IL1RAPL2: variants seen among roughly 807,000 people sequenced by gnomAD.
The protein encoded by IL1RAPL2 is X-linked interleukin-1 receptor accessory protein-like 2.
IL1RAPL2 carries 3 observed loss-of-function variants against 44.1 expected under a neutral mutation model. The observed-to-expected ratio is 0.07, with a 90% CI of 0.03 to 0.18. The LOEUF (loss-of-function observed/expected upper bound fraction) is 0.18, where lower values mean the gene tolerates loss of function less well. IL1RAPL2 is among the 10% of genes least tolerant of loss of function. The pLI is 1.00. For synonymous variants in IL1RAPL2, 181 were observed against 178.8 expected (o/e 1.01, Z -0.10); for missense variants, 391 against 496.4 (o/e 0.79, Z 2.02).
chrX:105,272,890 G>A (rs1439768444), intron 5 of IL1RAPL2, among the ~76,000 whole-genome samples: 7 of 112,126 alleles, frequency 6.2e-5, no homozygotes, highest in Non-Finnish European at 1.3e-4. Flanking sequence ...CACAGAGGAA[G>A]CAATTTCACA....
At chrX:104,885,592 T>G (rs1368950721) in intron 2 of IL1RAPL2, among the ~76,000 whole-genome samples, 1 of 111,620 alleles carries the variant, frequency 9.0e-6, no homozygotes. Context: ...GAACAAAATC[T>G]GGAGGCATTA....
At chrX:104,781,662 G>T (rs1394904595) in intron 2 of IL1RAPL2, among the ~76,000 whole-genome samples, 1 of 111,552 alleles carries the variant, frequency 9.0e-6, no homozygotes, top group African/African-American at 3.3e-5. Flanking sequence ...AGGTTATGGA[G>T]GTCAAGTATT....
At chrX:104,859,191 T>C (rs1225292685) in intron 2 of IL1RAPL2, among the ~76,000 whole-genome samples, 1 of 111,666 alleles carries the variant, frequency 9.0e-6, no homozygotes, top group Non-Finnish European at 1.9e-5. Context: ...TCTACTCAAA[T>C]ATCCATGGGT....
intron 2 of IL1RAPL2, among the ~76,000 whole-genome samples, chrX:105,113,736 A>G (rs1251427665): frequency 1.8e-5 from 2 of 111,708 alleles, no homozygotes. Flanking sequence ...TGTAGATTAT[A>G]TATGAAATGA....
chrX:104,770,243 TTAA>T (rs1226675944), intron 2 of IL1RAPL2, among the ~76,000 whole-genome samples: 1 of 111,583 alleles, frequency 9.0e-6, no homozygotes, highest in East Asian at 2.8e-4. Flanking sequence ...TTTTAGAAAG[TTAA>T]TAATAGCACA....
intron 3 of IL1RAPL2, among the ~76,000 whole-genome samples, chrX:105,198,664 G>A (rs2033691659): frequency 9.0e-6 from 1 of 111,502 alleles, no homozygotes; most frequent in African/African-American, 3.3e-5. Flanking sequence ...ATCCATCTCT[G>A]GTAGCGCATT....
Position 105,514,451 on chromosome X carries a change from G to C in IL1RAPL2, c.772+30064G>C, listed in dbSNP as rs780322788. On this transcript the variant is annotated intron_variant, in intron 6 of 10. Transcript: ENST00000372582. Reference sequence around the variant, plus strand: ...GGGGGCAGGAGGAATGCCTGTTAGGGCATGGCTAAAAACAAGCAAACAAAC... The same window carrying C: ...GGGGGCAGGAGGAATGCCTGTTAGGCCATGGCTAAAAACAAGCAAACAAAC... 4.5e-5 allele frequency among the ~76,000 whole-genome samples: 5 copies of C among 112,137 alleles called. No individual in the cohort carries two copies. The South Asian group carries it at 1.8e-3, about 41-fold the overall frequency.
At chrX:105,556,623 T>C (rs908888960) in intron 6 of IL1RAPL2, among the ~76,000 whole-genome samples, 1 of 111,791 alleles carries the variant, frequency 8.9e-6, no homozygotes, top group Non-Finnish European at 1.9e-5. Context: ...GTAGTCTCTA[T>C]TGATAAACAC....
chrX:105,617,355 C>G (rs2037384740), intron 6 of IL1RAPL2, among the ~76,000 whole-genome samples: 1 of 110,765 alleles, frequency 9.0e-6, no homozygotes, highest in African/African-American at 3.3e-5. Context: ...GGCCAGTGAA[C>G]AGAGCCCTGA....
chrX:105,155,065 G>A (rs1332175724), intron 2 of IL1RAPL2, among the ~76,000 whole-genome samples: 2 of 110,698 alleles, frequency 1.8e-5, no homozygotes, highest in African/African-American at 6.6e-5. Context: ...TAATTCCTTT[G>A]TATTCCCAGG....
chrX:105,563,993 C>A (rs944054333), intron 6 of IL1RAPL2, among the ~76,000 whole-genome samples: 1 of 111,409 alleles, frequency 9.0e-6, no homozygotes, highest in Non-Finnish European at 1.9e-5. Context: ...ACAGAAATTT[C>A]TTTCTTATAG....
chrX:104,779,567 A>G (rs999588317), intron 2 of IL1RAPL2, among the ~76,000 whole-genome samples: 4 of 112,237 alleles, frequency 3.6e-5, no homozygotes, highest in African/African-American at 1.3e-4. Flanking sequence ...GTCTAGAATA[A>G]TGAAGCCTGA....
At chrX:105,276,592 C>G (rs945338085) in intron 5 of IL1RAPL2, among the ~76,000 whole-genome samples, 8 of 111,570 alleles carry the variant, frequency 7.2e-5, no homozygotes, top group African/African-American at 2.6e-4. Context: ...ATTACTAGGC[C>G]CTCTGATTTA....
At chrX:104,672,145 T>A (rs1322331423) in intron 2 of IL1RAPL2, among the ~76,000 whole-genome samples, 1 of 111,013 alleles carries the variant, frequency 9.0e-6, no homozygotes, top group Non-Finnish European at 1.9e-5. Flanking sequence ...ATGTGCACAT[T>A]GTGCAGGTTA....
At chrX:104,930,603 A>G (rs1436653028) in intron 2 of IL1RAPL2, among the ~76,000 whole-genome samples, 2 of 111,779 alleles carry the variant, frequency 1.8e-5, no homozygotes, top group Non-Finnish European at 3.8e-5. Context: ...TTATTTAGGG[A>G]CATACAACAA....
In IL1RAPL2 at chrX:104,916,304, C is replaced by A. The variant is rs760874637; in HGVS notation, c.82+257309C>A. On this transcript the variant is annotated intron_variant, in intron 2 of 10. Coordinates refer to ENST00000372582, the MANE Select transcript of IL1RAPL2 (RefSeq NM_017416.2). Reference sequence around the variant, plus strand: ...CTTCCCATCCCTTGTAAGTTGGATTCCTAGATATTTTATTCTCTTTGAAGC... The same window carrying A: ...CTTCCCATCCCTTGTAAGTTGGATTACTAGATATTTTATTCTCTTTGAAGC... 4.9e-3 allele frequency among the ~76,000 whole-genome samples: 542 copies of A among 111,473 alleles called. 1 individual carries two copies. Among genetic ancestry groups the A allele is most frequent in the Non-Finnish European group, 8.8e-3 (466 of 53,106 alleles).
At chrX:105,165,192 T>C (rs2033362111) in intron 2 of IL1RAPL2, among the ~76,000 whole-genome samples, 1 of 112,062 alleles carries the variant, frequency 8.9e-6, no homozygotes, top group African/African-American at 3.2e-5. Context: ...CAGGAAATTA[T>C]CCTTTGTACT....
chrX:105,306,641 G>T (rs1370445271), intron 5 of IL1RAPL2, among the ~76,000 whole-genome samples: 1 of 111,281 alleles, frequency 9.0e-6, no homozygotes, highest in African/African-American at 3.3e-5. Context: ...TTAGATTCAG[G>T]TCATACATCT....
intron 1 of IL1RAPL2, among the ~76,000 whole-genome samples, chrX:104,570,956 T>A (rs1286291623): frequency 9.0e-6 from 1 of 110,830 alleles, no homozygotes; most frequent in Non-Finnish European, 1.9e-5. Flanking sequence ...TTTTTTTTTT[T>A]ATCCCTTCCT....
Sources: gnomAD v4.1 joint callset for allele counts (sites outside exome capture counted in the v4.1 genomes callset) on GRCh38, gnomAD v4.1.1 for gene constraint, MANE v1.5 for transcripts, NCBI Gene and HGNC (gene_info 2026-07-23, HGNC 2026-07-21) for gene names.